GIT2: variants seen among roughly 807,000 people sequenced by gnomAD.
The protein encoded by GIT2 is ARF GTPase-activating protein GIT2.
GIT2 carries 32 observed loss-of-function variants against 100.3 expected under a neutral mutation model. The observed-to-expected ratio is 0.32, with a 90% CI of 0.24 to 0.43. The LOEUF is 0.43. GIT2 is among the 20% of genes least tolerant of loss of function. GIT2 has a pLI of 1.00. For synonymous variants in GIT2, 353 were observed against 364.1 expected (o/e 0.97, Z 0.35); for missense variants, 737 against 975.1 (o/e 0.76, Z 3.25).
chr12:109,941,891 C>T (rs2136193876), intron 16 of GIT2, among the ~76,000 whole-genome samples: 1 of 151,684 alleles, frequency 6.6e-6, no homozygotes, highest in Non-Finnish European at 1.5e-5. Flanking sequence ...GTGGTACAAT[C>T]TCGGCTCACT....
intron 16 of GIT2, among the ~76,000 whole-genome samples, chr12:109,944,477 G>T (rs1051706222): frequency 5.9e-5 from 9 of 152,218 alleles, no homozygotes; most frequent in Non-Finnish European, 8.8e-5. Context: ...CTTTATGCAT[G>T]AAAGTATTTT....
chr12:109,999,814 G>T (rs2137059411), upstream of GIT2: 1 of 1,505,220 alleles, frequency 6.6e-7, no homozygotes. This position sits in a 1 kb window ranked among gnomAD's most constrained non-coding sequence, Gnocchi z 4.3. Context: ...TCCGTCTCCC[G>T]GTGGGGACTT....
At chr12:109,956,138 G>A (rs1167558229) in intron 12 of GIT2, among the ~76,000 whole-genome samples, 1 of 152,026 alleles carries the variant, frequency 6.6e-6, no homozygotes, top group Non-Finnish European at 1.5e-5. Flanking sequence ...CACCATGTTG[G>A]TCAGGCTGGT....
intron 7 of GIT2, among the ~76,000 whole-genome samples, chr12:109,975,480 T>C (rs183687744): frequency 1.4e-4 from 21 of 152,282 alleles, no homozygotes; most frequent in Admixed American, 7.2e-4. Flanking sequence ...CCCTGAAGTG[T>C]TGGGATTACA....
chr12:109,993,916 CATAAA>C (rs1445780721), intron 1 of GIT2, among the ~76,000 whole-genome samples: 3 of 150,990 alleles, frequency 2.0e-5, no homozygotes, highest in Non-Finnish European at 3.0e-5. Flanking sequence ...TAAATGTTTG[CATAAA>C]ATAAAACAGA....
rs200683974 is a variant in GIT2 at position 109,935,077 on chromosome 12, T to TA, written c.2004-993dup. ...TAGGGGATAAAAGCGAGATTCCGTC[T>TA]AAAAAAAAAAAAAGACTGCCTACAT... is the stretch of plus-strand genomic sequence containing the variant. On this transcript the variant is annotated intron_variant, in intron 18 of 19. Coordinates refer to ENST00000355312, the MANE Select transcript of GIT2 (RefSeq NM_057169.5). Among the ~76,000 whole-genome samples the TA allele has an allele frequency of 3.7e-3, 516 of 140,552 alleles. 13 individuals are homozygous for TA. The East Asian group carries it at 0.056, about 15-fold the overall frequency. The allele number at this position is 140,552 out of a possible 152,430, so 92.2% of individuals were successfully genotyped here. A position where few individuals can be genotyped will look rare whatever the true frequency, so the allele number is the denominator to read the frequency against.
intron 2 of GIT2, among the ~76,000 whole-genome samples, chr12:109,990,575 C>G (rs749281711): frequency 6.6e-6 from 1 of 152,208 alleles, no homozygotes; most frequent in Non-Finnish European, 1.5e-5. Context: ...TACAAACCCA[C>G]TTGTTTTGGC....
Position 109,953,183 on chromosome 12 carries a change from C to T in GIT2, c.1151G>A (p.Ser384Asn). Residue 384 changes from serine (S) to asparagine (N), a missense_variant, in exon 13 of 20, where the codon AGT (serine) becomes AAT (asparagine). Physicochemically the swap from Ser to Asn is conservative, Grantham distance 46. Coordinates refer to ENST00000355312, the MANE Select transcript of GIT2 (RefSeq NM_057169.5). ...KTINNQHSVE[S>N]QDNDQPDYDS... is the part of the protein sequence containing the mutation. The stretch of plus-strand genomic sequence containing the variant: ...ATAGTCGGGCTGATCGTTGTCTTGA[C>T]TCTCAACGCTGTGCTGGTTATTGAT... 6.2e-7 allele frequency: 1 copy of T among 1,613,914 alleles called. No homozygotes were observed. Among genetic ancestry groups the T allele is most frequent in the Non-Finnish European group, 8.5e-7 (1 of 1,179,768 alleles).
At chr12:109,963,856 C>G (rs1364263507) in intron 9 of GIT2, among the ~76,000 whole-genome samples, 1 of 152,078 alleles carries the variant, frequency 6.6e-6, no homozygotes, top group Non-Finnish European at 1.5e-5. Context: ...GCCGGCAGCC[C>G]CTGCAGGATC....
At chr12:109,973,895 T>G (rs1884490390) in intron 7 of GIT2, among the ~76,000 whole-genome samples, 1 of 150,414 alleles carries the variant, frequency 6.6e-6, no homozygotes, top group South Asian at 2.1e-4. Flanking sequence ...TACAAAAATG[T>G]GCCAGGCATG....
chr12:109,996,290 C>A lies in GIT2; in HGVS notation c.-66G>T. On this transcript the variant is annotated 5_prime_UTR_variant, in exon 1 of 20. Transcript: ENST00000355312. ...ACAGCAAAGGCGGCGGTGGCGGCGG[C>A]GCTTCCGCTCTAACGGGTCCCAGCT... is the stretch of plus-strand genomic sequence containing the variant. The A allele has an allele frequency of 8.7e-7, 1 of 1,152,842 alleles. No individual in the cohort carries two copies. Among genetic ancestry groups the A allele is most frequent in the Non-Finnish European group, 1.2e-6 (1 of 807,186 alleles). 71.4% of individuals were successfully genotyped at this position (1,152,842 alleles called of 1,614,324 possible). A position where few individuals can be genotyped will look rare whatever the true frequency, so the allele number is the denominator to read the frequency against.
At chr12:109,976,687 C>T (rs1230406385) in intron 7 of GIT2, among the ~76,000 whole-genome samples, 2 of 150,484 alleles carry the variant, frequency 1.3e-5, no homozygotes, top group Non-Finnish European at 2.9e-5. Context: ...CTCCTAGGTT[C>T]AAGTGGTTCT....
At chr12:109,974,330 C>A (rs534312704) in intron 7 of GIT2, among the ~76,000 whole-genome samples, 17 of 152,194 alleles carry the variant, frequency 1.1e-4, no homozygotes, top group African/African-American at 4.1e-4. Context: ...AGTTGGAGAC[C>A]AGCCTGGTCA....
chr12:109,994,725 AAAC>A (rs997870453), intron 1 of GIT2, among the ~76,000 whole-genome samples: 3 of 152,228 alleles, frequency 2.0e-5, no homozygotes. Context: ...TCAAGAAGCA[AAAC>A]AATATGCATT....
At chr12:109,939,350 C>A (rs1409335421) in intron 16 of GIT2, 103 bp from the exon 17 acceptor site, 3 of 720,636 alleles carry the variant, frequency 4.2e-6, no homozygotes, top group South Asian at 3.0e-5. Flanking sequence ...CTTCACATCC[C>A]AAATCTCATT....
chr12:109,968,991 T>A (rs1456304677), intron 7 of GIT2, among the ~76,000 whole-genome samples: 1 of 152,156 alleles, frequency 6.6e-6, no homozygotes, highest in African/African-American at 2.4e-5. Context: ...CCCAACGTGC[T>A]GAGATTACAG....
chr12:109,961,442 A>G, intron 10 of GIT2, 67 bp from the exon 11 acceptor site: 1 of 1,072,016 alleles, frequency 9.3e-7, no homozygotes, highest in Non-Finnish European at 1.5e-6. Flanking sequence ...TGGGAGGCAC[A>G]GCTCACGCAC....
At chr12:109,938,718 G>A in intron 17 of GIT2, 150 bp from the exon 18 acceptor site, 1 of 578,022 alleles carries the variant, frequency 1.7e-6, no homozygotes, top group Non-Finnish European at 3.0e-6. Flanking sequence ...CTCATGGTAA[G>A]GCTCTAAAAT....
At chr12:109,988,085 C>T (rs1303975842) in intron 4 of GIT2, among the ~76,000 whole-genome samples, 1 of 152,134 alleles carries the variant, frequency 6.6e-6, no homozygotes, top group Admixed American at 6.5e-5. Context: ...TCTTTCTAGT[C>T]CCTTCTAGAA....
Sources: gnomAD v4.1 joint callset for allele counts (sites outside exome capture counted in the v4.1 genomes callset) on GRCh38, gnomAD v4.1.1 for gene constraint, Gnocchi (gnomAD v3.1) non-coding constraint, MANE v1.5 for transcripts, NCBI Gene and HGNC (gene_info 2026-07-23, HGNC 2026-07-21) for gene names.